Variants in OGDH observed in about 807,000 individuals in gnomAD.
OGDH encodes the protein 2-oxoglutarate dehydrogenase complex component E1.
A neutral mutation model predicts 116.6 loss-of-function variants in OGDH; 38 were observed. That is an observed-to-expected ratio of 0.33 (90% CI 0.25 to 0.43). OGDH has a LOEUF of 0.43. Among genes scored for constraint, OGDH ranks in the 20% least tolerant of loss-of-function variants. OGDH has a pLI of 1.00. For synonymous variants in OGDH, 488 were observed against 533.3 expected, an observed-to-expected ratio of 0.92 and a Z score of 1.17; for missense variants, 825 against 1,357.2, an observed-to-expected ratio of 0.61 and a Z score of 6.16.
intron 2 of OGDH, among the ~76,000 whole-genome samples, chr7:44,643,200 TC>T (rs1005460124): frequency 5.3e-5 from 8 of 151,964 alleles, no homozygotes; most frequent in Non-Finnish European, 8.8e-5. Context: ...AGCCTTGAAT[TC>T]CTAGGCTTAA....
intron 1 of OGDH, among the ~76,000 whole-genome samples, chr7:44,623,740 G>T (rs1785092545): frequency 6.6e-6 from 1 of 152,170 alleles, no homozygotes; most frequent in Non-Finnish European, 1.5e-5. Flanking sequence ...CCACCTACCA[G>T]GTTCAAGCAA....
intron 5 of OGDH, among the ~76,000 whole-genome samples, chr7:44,668,337 T>C (rs1042472209): frequency 2.6e-5 from 4 of 152,144 alleles, no homozygotes; most frequent in Non-Finnish European, 5.9e-5. Context: ...CATGGGAGGC[T>C]GACGCAGATA....
chr7:44,669,592 G>A (rs775975292), intron 5 of OGDH, among the ~76,000 whole-genome samples: 1 of 152,112 alleles, frequency 6.6e-6, no homozygotes, highest in Non-Finnish European at 1.5e-5. Context: ...ATGTCCCTAT[G>A]GCTAACTTCC....
In OGDH at chr7:44,707,066, T is replaced by G. The variant is rs1789111081; in HGVS notation, c.2633-159T>G. ...CGTGCTTTTCAAAGTGTGCCTGGTC[T>G]GAGCAAATACAGGGCATCAGAGGCT... is the stretch of plus-strand genomic sequence containing the variant. On this transcript the variant is annotated intron_variant, in intron 20 of 22. Transcript: ENST00000222673. This position sits in a 1 kb window ranked among gnomAD's most constrained non-coding sequence, Gnocchi z 5.2. 6.6e-6 allele frequency among the ~76,000 whole-genome samples: 1 copy of G among 152,214 alleles called. No homozygotes were observed.
chr7:44,611,373 A>G (rs1784559223), intron 1 of OGDH, among the ~76,000 whole-genome samples: 1 of 151,718 alleles, frequency 6.6e-6, no homozygotes, highest in South Asian at 2.1e-4. Context: ...GGTTCATGCC[A>G]TTCTCCCACC....
Position 44,666,721 on chromosome 7 carries a change from C to G in OGDH, c.518-15C>G, listed in dbSNP as rs182050894. 18 of 1,554,500 alleles carry G rather than the reference C, an allele frequency of 1.2e-5. No homozygotes were observed. Among genetic ancestry groups the G allele is most frequent in the Non-Finnish European group, 1.6e-5 (18 of 1,134,314 alleles). On this transcript the variant is annotated splice_polypyrimidine_tract_variant and intron_variant, in intron 4 of 22. Transcript: ENST00000222673. ...CCCTCCTCATCTGGCTTGTCCTGCC[C>G]ACATCGCCCTGCAGGGTTCTATGGC...
At chr7:44,652,713 A>G (rs891567603) in intron 4 of OGDH, among the ~76,000 whole-genome samples, 9 of 152,100 alleles carry the variant, frequency 5.9e-5, no homozygotes, top group African/African-American at 2.2e-4. Context: ...CATGTATTAA[A>G]TACACATTTC....
In OGDH at chr7:44,707,573, GTC is replaced by G. The variant is rs764606402; in HGVS notation, c.2797-6_2797-5del. ...TCCTCTTTTTGATCTGACCCCTGCT[GTC>G]TCCTAGCTGTCGCCATTCCCCTTTG... On this transcript the variant is annotated splice_polypyrimidine_tract_variant and splice_region_variant and intron_variant, in intron 21 of 22. Coordinates refer to ENST00000222673, the MANE Select transcript of OGDH (RefSeq NM_002541.4). This position sits in a 1 kb window ranked among gnomAD's most constrained non-coding sequence, Gnocchi z 5.2. The G allele has an allele frequency of 2.2e-5, 35 of 1,613,388 alleles. No individual in the cohort carries two copies. Among genetic ancestry groups the G allele is most frequent in the Non-Finnish European group, 2.9e-5 (34 of 1,179,998 alleles).
intron 10 of OGDH, among the ~76,000 whole-genome samples, chr7:44,683,980 G>A (rs1788032086): frequency 6.6e-6 from 1 of 152,206 alleles, no homozygotes; most frequent in South Asian, 2.1e-4. Context: ...AGGGTCAGGG[G>A]GCTCATAGAC....
chr7:44,708,135 T>C lies in OGDH; in HGVS notation c.*136T>C. The C allele has an allele frequency of 8.1e-7, 1 of 1,234,852 alleles. No homozygotes were observed. The highest frequency in any genetic ancestry group is 1.1e-6 in the Non-Finnish European group (1 of 893,696). 76.5% of individuals were successfully genotyped at this position (1,234,852 alleles called of 1,614,324 possible). ...TGTGCCACCACCCCTCCCTCTGCTCTCATAGGAGTTAGGCTGTCGTCCCCC... is the reference window on the plus strand; with the variant it reads ...TGTGCCACCACCCCTCCCTCTGCTCCCATAGGAGTTAGGCTGTCGTCCCCC... On this transcript the variant is annotated 3_prime_UTR_variant, in exon 23 of 23. Transcript: ENST00000222673.
At chr7:44,706,639 T>G (rs1404712481) in intron 20 of OGDH, among the ~76,000 whole-genome samples, 5 of 149,450 alleles carry the variant, frequency 3.3e-5, no homozygotes, top group Admixed American at 6.7e-5. Context: ...TTTTTTTTTT[T>G]GTCTGGAGAT....
chr7:44,641,119 T>G (rs1415620591), intron 2 of OGDH, among the ~76,000 whole-genome samples: 1 of 150,342 alleles, frequency 6.7e-6, no homozygotes, highest in South Asian at 2.1e-4. Flanking sequence ...GCCAGGATGG[T>G]CTCGATCTCC....
At chr7:44,641,249 AG>A (rs1192455479) in intron 2 of OGDH, among the ~76,000 whole-genome samples, 5 of 111,454 alleles carry the variant, frequency 4.5e-5, no homozygotes, top group Admixed American at 3.3e-4. Context: ...TTTTGGAAAC[AG>A]GGTGTCACTC....
At chr7:44,616,787 A>ATATATGTGTATATATATGCATATATACG (rs1562610695) in intron 1 of OGDH, among the ~76,000 whole-genome samples, 2 of 66,420 alleles carry the variant, frequency 3.0e-5, no homozygotes, top group African/African-American at 7.0e-5. Flanking sequence ...GTATATGCAT[A>ATATATGTGTATATATATGCATATATACG]TATATATGTG....
chr7:44,680,705 A>G, intron 9 of OGDH, among the ~76,000 whole-genome samples: 1 of 152,184 alleles, frequency 6.6e-6, no homozygotes, highest in East Asian at 1.9e-4. Context: ...CCCATCCTCT[A>G]CTGGAGGAAG....
At chr7:44,696,333 C>G in intron 13 of OGDH, 96 bp from the exon 14 acceptor site, 1 of 1,465,040 alleles carries the variant, frequency 6.8e-7, no homozygotes, top group Non-Finnish European at 9.4e-7. Flanking sequence ...TACATTGTCT[C>G]TCACCCTGCT....
In OGDH at chr7:44,695,892, G is replaced by A. The variant is rs1306564561; in HGVS notation, c.1669-133G>A. 7 of 627,442 alleles carry A rather than the reference G, an allele frequency of 1.1e-5. No individual in the cohort carries two copies. In the East Asian group the frequency reaches 1.4e-4, roughly 12 times the overall value. 38.9% of individuals were successfully genotyped at this position (627,442 alleles called of 1,614,324 possible). On this transcript the variant is annotated intron_variant, in intron 12 of 22. Coordinates refer to ENST00000222673, the MANE Select transcript of OGDH (RefSeq NM_002541.4). Reference sequence around the variant, plus strand: ...TCCACGAAGTGTGGGACTATGGGTGGGCATGCACGGGAGTTGTGCCAGGGG... The same window carrying A: ...TCCACGAAGTGTGGGACTATGGGTGAGCATGCACGGGAGTTGTGCCAGGGG...
chr7:44,694,288 GA>G lies in OGDH; in HGVS notation c.1516-134del. On this transcript the variant is annotated intron_variant, in intron 11 of 22. Coordinates refer to ENST00000222673, the MANE Select transcript of OGDH (RefSeq NM_002541.4). This position sits in a 1 kb window ranked among gnomAD's most constrained non-coding sequence, Gnocchi z 4.2. ...AGATACACAGAATCCTAATTCTAGA[GA>G]AGGTAAACTCCAGGGCAGGCATGAG... 1 of 1,093,210 alleles carries G rather than the reference GA, an allele frequency of 9.1e-7. No homozygotes were observed. The highest frequency in any genetic ancestry group is 1.3e-6 in the Non-Finnish European group (1 of 772,694). 67.7% of individuals were successfully genotyped at this position (1,093,210 alleles called of 1,614,324 possible).
intron 1 of OGDH, among the ~76,000 whole-genome samples, chr7:44,613,882 C>T (rs1324290892): frequency 6.8e-6 from 1 of 148,084 alleles, no homozygotes; most frequent in Non-Finnish European, 1.5e-5. Flanking sequence ...TCTCAGCTCA[C>T]TGCAACCTCC....
Sources: gnomAD v4.1 joint callset for allele counts (sites outside exome capture counted in the v4.1 genomes callset) on GRCh38, gnomAD v4.1.1 for gene constraint, Gnocchi (gnomAD v3.1) non-coding constraint, MANE v1.5 for transcripts, NCBI Gene and HGNC (gene_info 2026-07-23, HGNC 2026-07-21) for gene names.